Variants in HYDIN observed in about 807,000 individuals in gnomAD.
HYDIN encodes axonemal central pair apparatus protein HYDIN.
HYDIN carries 132 observed loss-of-function variants against 403.9 expected under a neutral mutation model. The ratio of observed to expected loss-of-function variants is 0.33; its 90% CI spans 0.28 to 0.38. The LOEUF (loss-of-function observed/expected upper bound fraction) is 0.38, where lower values mean the gene tolerates loss of function less well. HYDIN is among the 10% of genes least tolerant of loss of function. The probability of loss-of-function intolerance (pLI) is 1.00; values close to 1 mark genes in which losing one functional copy is unlikely to be tolerated. For missense variants in HYDIN, 2,827 were observed against 5,009.5 expected (o/e 0.56, Z 13.15); for synonymous variants, 1,202 against 1,891.7 (o/e 0.64, Z 9.46).
At chr16:70,930,914 T>G (rs1275499570) in intron 45 of HYDIN, among the ~76,000 whole-genome samples, 1 of 152,152 alleles carries the variant, frequency 6.6e-6, no homozygotes, top group Admixed American at 6.5e-5. Context: ...CAGGAAACTG[T>G]GACAAATTCT....
intron 47 of HYDIN, among the ~76,000 whole-genome samples, chr16:70,914,436 C>T (rs1238780853): frequency 1.3e-5 from 2 of 150,656 alleles, no homozygotes; most frequent in Non-Finnish European, 3.0e-5. Flanking sequence ...GCTGATACTT[C>T]TTTTGTTTGA....
chr16:70,933,951 C>G (rs1798395), intron 45 of HYDIN, among the ~76,000 whole-genome samples: 11 of 152,218 alleles, frequency 7.2e-5, no homozygotes, highest in African/African-American at 2.2e-4. Context: ...AGCAGGAAGA[C>G]ACAAAGGCTG....
chr16:70,875,180 G>T (rs1256776765), intron 62 of HYDIN, among the ~76,000 whole-genome samples: 1 of 150,606 alleles, frequency 6.6e-6, no homozygotes, highest in Admixed American at 6.6e-5. Context: ...TCCAGATCAC[G>T]TAGGTAGTGT....
intron 1 of HYDIN, among the ~76,000 whole-genome samples, chr16:71,197,300 CAT>C (rs1206040419): frequency 1.3e-5 from 2 of 152,046 alleles, no homozygotes; most frequent in African/African-American, 4.8e-5. Context: ...TAAATAAAAA[CAT>C]ATTGTTTTTG....
intron 62 of HYDIN, among the ~76,000 whole-genome samples, chr16:70,877,078 C>T (rs1209484117): frequency 6.6e-6 from 1 of 150,718 alleles, no homozygotes; most frequent in South Asian, 2.1e-4. Context: ...TTAATGGAAA[C>T]TTTAACAGTA....
At chr16:70,972,318 G>A (rs1481778504) in intron 35 of HYDIN, among the ~76,000 whole-genome samples, 1 of 110,216 alleles carries the variant, frequency 9.1e-6, no homozygotes, top group Non-Finnish European at 1.8e-5. Context: ...GTTAACCATA[G>A]CTCTTCTATA....
intron 10 of HYDIN, chr16:71,113,490 G>A (rs891419986): frequency 2.0e-5 from 3 of 152,130 alleles, no homozygotes; most frequent in Admixed American, 1.3e-4. Context: ...TTATAGCAAA[G>A]GGCCCAATCC....
At chr16:71,175,838 T>C in intron 4 of HYDIN, 97 bp from the exon 5 acceptor site, 3 of 1,234,020 alleles carry the variant, frequency 2.4e-6, no homozygotes, top group Non-Finnish European at 3.6e-6. Flanking sequence ...CGTGTGACCT[T>C]GGTCAGGTCT....
Position 70,947,894 on chromosome 16 carries a change from T to C in HYDIN, c.6532-3945A>G, listed in dbSNP as rs1204889748. Reference sequence around the variant, plus strand: ...TGGCCATACTGCCCAAGGTAATTTATAGATTCAATGCCATCCCCATCAAGC... The same window carrying C: ...TGGCCATACTGCCCAAGGTAATTTACAGATTCAATGCCATCCCCATCAAGC... On this transcript the variant is annotated intron_variant, in intron 41 of 85. Coordinates refer to ENST00000393567, the MANE Select transcript of HYDIN (RefSeq NM_001270974.2). Among the ~76,000 whole-genome samples, 4 of 149,268 alleles carry C rather than the reference T, an allele frequency of 2.7e-5. No individual in the cohort carries two copies. The East Asian group carries it at 5.9e-4, about 22-fold the overall frequency.
chr16:71,059,515 G>A (rs1361586452), intron 18 of HYDIN, among the ~76,000 whole-genome samples: 1 of 151,912 alleles, frequency 6.6e-6, no homozygotes, highest in African/African-American at 2.4e-5. Flanking sequence ...ATGAAATCAT[G>A]TCCTTTGCAG....
At position 71,158,679 on chromosome 16, in the gene HYDIN, GTT is replaced by G. The variant is rs10615981; in HGVS notation, c.716+3850_716+3851del. 1.6e-3 allele frequency among the ~76,000 whole-genome samples: 190 copies of G among 117,274 alleles called. 1 individual carries two copies. The highest frequency in any genetic ancestry group is 5.6e-3 in the African/African-American group (175 of 31,454). 76.9% of individuals were successfully genotyped at this position (117,274 alleles called of 152,430 possible). On this transcript the variant is annotated intron_variant, in intron 6 of 85. Coordinates refer to ENST00000393567, the MANE Select transcript of HYDIN (RefSeq NM_001270974.2). ...ACCATTTTTTCAATTGAAAAAGATG[GTT>G]TTTTTTTTTTTTTTTTTTGAGACAT... is the stretch of plus-strand genomic sequence containing the variant.
At chr16:70,881,758 C>T (rs2040823551) in intron 60 of HYDIN, among the ~76,000 whole-genome samples, 1 of 152,252 alleles carries the variant, frequency 6.6e-6, no homozygotes, top group Non-Finnish European at 1.5e-5. Context: ...TAGGCTGATA[C>T]CAACACCCTT....
At chr16:70,955,232 G>A (rs1019851570) in intron 40 of HYDIN, 143 bp downstream of exon 40, 2 of 471,718 alleles carry the variant, frequency 4.2e-6, no homozygotes, top group Admixed American at 3.9e-5. Context: ...ATTCTCCTCT[G>A]GGCTATGAAG....
chr16:70,972,931 G>A (rs971099960), intron 35 of HYDIN, among the ~76,000 whole-genome samples: 15 of 152,178 alleles, frequency 9.9e-5, no homozygotes, highest in African/African-American at 3.1e-4. Context: ...GTTTTAGTGC[G>A]AAGCTTATGA....
At chr16:71,189,784 AAAC>A (rs1249304794) in intron 1 of HYDIN, among the ~76,000 whole-genome samples, 1 of 148,020 alleles carries the variant, frequency 6.8e-6, no homozygotes, top group Admixed American at 6.7e-5. Context: ...AAAAAAAAAC[AAAC>A]AACAATATTT....
intron 50 of HYDIN, among the ~76,000 whole-genome samples, chr16:70,904,795 C>T (rs1287230754): frequency 1.3e-5 from 2 of 151,306 alleles, no homozygotes; most frequent in Non-Finnish European, 2.9e-5. Context: ...AGCCACCGTG[C>T]CCGGCCTCAC....
At chr16:70,825,091 C>A (rs2036510124) in intron 83 of HYDIN, among the ~76,000 whole-genome samples, 1 of 152,096 alleles carries the variant, frequency 6.6e-6, no homozygotes, top group African/African-American at 2.4e-5. Flanking sequence ...CTTGCATGTC[C>A]AAGTTTTGCT....
At chr16:71,132,766 G>C (rs1363582342) in intron 8 of HYDIN, 3 of 152,366 alleles carry the variant, frequency 2.0e-5, no homozygotes, top group East Asian at 1.9e-4. Context: ...AGGGAGGAGA[G>C]AGGGTACTGG....
At chr16:70,976,178 TACTTG>T (rs2078881569) in intron 30 of HYDIN, among the ~76,000 whole-genome samples, 1 of 152,260 alleles carries the variant, frequency 6.6e-6, no homozygotes, top group Non-Finnish European at 1.5e-5. Context: ...CAAGTCCTCT[TACTTG>T]AGACTAGCTA....
Sources: allele counts gnomAD v4.1 joint callset (sites outside exome capture counted in the v4.1 genomes callset), GRCh38; gene constraint gnomAD v4.1.1; transcripts MANE v1.5; gene names NCBI Gene and HGNC (gene_info 2026-07-23, HGNC 2026-07-21).